Variants in FHL1 observed in about 807,000 individuals in gnomAD.
FHL1 encodes four and a half LIM domains 1.
FHL1 carries 1 observed loss-of-function variant against 20.3 expected under a neutral mutation model. The observed-to-expected ratio is 0.05, with a 90% CI of 0.02 to 0.23. FHL1 has a LOEUF of 0.23. FHL1 is among the 10% of genes least tolerant of loss of function. FHL1 has a pLI of 1.00. For missense variants in FHL1, 177 were observed against 234.0 expected, an observed-to-expected ratio of 0.76 and a Z score of 1.59; for synonymous variants, 82 against 88.9, an observed-to-expected ratio of 0.92 and a Z score of 0.44.
intron 1 of FHL1, among the ~76,000 whole-genome samples, chrX:136,204,511 A>G (rs2073792726): frequency 8.9e-6 from 1 of 112,671 alleles, no homozygotes; most frequent in African/African-American, 3.2e-5. Context: ...CATTATATAA[A>G]GAAACATCCC....
chrX:136,199,576 T>C (rs2300912), intron 1 of FHL1, among the ~76,000 whole-genome samples: 45,452 of 111,301 alleles, frequency 0.41, 6,665 homozygotes, highest in African/African-American at 0.44. Flanking sequence ...TCCTATTCAT[T>C]GGCTAAGGCT....
At chrX:136,207,610 T>C in intron 3 of FHL1, 182 bp from the exon 4 acceptor site, 1 of 490,160 alleles carries the variant, frequency 2.0e-6, no homozygotes, top group Non-Finnish European at 3.5e-6. Flanking sequence ...TCCCCACCCA[T>C]GACAGAAATC....
intron 1 of FHL1, among the ~76,000 whole-genome samples, chrX:136,161,151 T>C: frequency 8.9e-6 from 1 of 111,850 alleles, no homozygotes; most frequent in Non-Finnish European, 1.9e-5. Context: ...TGTGAGTATC[T>C]GGAAGGATTG....
At position 136,210,130 on chromosome X, in the gene FHL1, T is replaced by G; in HGVS notation, c.*105T>G. 1 of 1,059,923 alleles carries G rather than the reference T, an allele frequency of 9.4e-7. No individual in the cohort carries two copies. The allele number at this position is 1,059,923 out of a possible 1,213,427, so 87.3% of individuals were successfully genotyped here. Reference sequence around the variant, plus strand: ...TAGGGGAAGAGTGGTCCTTCCCTTCTTTAAAGTTCTCCTTCCGTCTTTTCT... The same window carrying G: ...TAGGGGAAGAGTGGTCCTTCCCTTCGTTAAAGTTCTCCTTCCGTCTTTTCT... On this transcript the variant is annotated 3_prime_UTR_variant, in exon 6 of 6. Coordinates refer to ENST00000370683, the MANE Select transcript of FHL1 (RefSeq NM_001159699.2).
chrX:136,186,853 C>CAAA (rs1158651934), intron 2 of FHL1, among the ~76,000 whole-genome samples: 7 of 21,582 alleles, frequency 3.2e-4, no homozygotes, highest in East Asian at 1.6e-3. Flanking sequence ...GACTCCATCT[C>CAAA]AAAAAAAAAA....
intron 1 of FHL1, among the ~76,000 whole-genome samples, chrX:136,199,608 C>T (rs2073653808): frequency 8.9e-6 from 1 of 112,326 alleles, no homozygotes; most frequent in Non-Finnish European, 1.9e-5. Context: ...GTTGAATGTT[C>T]TGAGGAAAGC....
At chrX:136,166,462 C>G (rs1476736412), upstream of FHL1, among the ~76,000 whole-genome samples, 1 of 111,658 alleles carries the variant, frequency 9.0e-6, no homozygotes, top group African/African-American at 3.3e-5. Flanking sequence ...GGTCTGGTAA[C>G]TAGAAGACAC....
intron 1 of FHL1, among the ~76,000 whole-genome samples, chrX:136,150,016 C>T (rs756470173): frequency 5.4e-5 from 6 of 111,536 alleles, no homozygotes; most frequent in Non-Finnish European, 1.1e-4. Flanking sequence ...AAATCTTTTA[C>T]AGAGAGAAGC....
intron 1 of FHL1, among the ~76,000 whole-genome samples, chrX:136,152,836 G>A (rs1569528237): frequency 9.1e-6 from 1 of 110,169 alleles, no homozygotes; most frequent in Non-Finnish European, 1.9e-5. Flanking sequence ...GATAAGAATC[G>A]AATTCTACCT....
intron 2 of FHL1, among the ~76,000 whole-genome samples, chrX:136,178,147 CATT>C (rs1011058857): frequency 3.6e-5 from 4 of 111,670 alleles, no homozygotes; most frequent in Non-Finnish European, 7.5e-5. Context: ...TTATCATCAT[CATT>C]ATCATTGTCA....
chrX:136,152,849 A>G (rs1281676131), intron 1 of FHL1, among the ~76,000 whole-genome samples: 2 of 110,835 alleles, frequency 1.8e-5, no homozygotes, highest in Admixed American at 9.6e-5. Context: ...TTCTACCTGG[A>G]ATTTGTTCTA....
chrX:136,209,517 C>CA (rs1323944046), intron 5 of FHL1: 6 of 1,041,417 alleles, frequency 5.8e-6, no homozygotes, highest in Non-Finnish European at 7.9e-6. Context: ...TGACCTAAAT[C>CA]AAAGAAACTG....
intron 2 of FHL1, among the ~76,000 whole-genome samples, chrX:136,178,458 C>T (rs1254010554): frequency 9.0e-6 from 1 of 111,232 alleles, no homozygotes; most frequent in Non-Finnish European, 1.9e-5. Flanking sequence ...AGGCTGGGTG[C>T]AGTGGCTCAC....
intron 2 of FHL1, among the ~76,000 whole-genome samples, chrX:136,171,780 T>A (rs541670309): frequency 1.4e-3 from 155 of 112,625 alleles, no homozygotes; most frequent in Middle Eastern, 4.6e-3. Flanking sequence ...TGACCAAAAC[T>A]TGGTATCCTT....
chrX:136,200,526 G>C (rs2073681536), intron 1 of FHL1, among the ~76,000 whole-genome samples: 1 of 112,167 alleles, frequency 8.9e-6, no homozygotes, highest in South Asian at 3.7e-4. Flanking sequence ...AATTGGATCA[G>C]AAGCCACTTT....
At chrX:136,207,367 GCA>G (rs1008849376) in intron 3 of FHL1, 177 bp downstream of exon 3, 1 of 462,553 alleles carries the variant, frequency 2.2e-6, no homozygotes, top group African/African-American at 2.5e-5. Flanking sequence ...TCGCACACAC[GCA>G]CACACTCGGA....
exon 1 of FHL1, chrX:136,147,546 C>A (rs1190550481): frequency 1.8e-5 from 2 of 110,126 alleles, no homozygotes; most frequent in Non-Finnish European, 3.8e-5. Context: ...CCGCAGCCGC[C>A]GCCGCCACCG....
intron 2 of FHL1, among the ~76,000 whole-genome samples, chrX:136,175,031 A>G (rs2072966208): frequency 8.9e-6 from 1 of 112,431 alleles, no homozygotes; most frequent in African/African-American, 3.2e-5. Context: ...CACACCAGGA[A>G]AAATCTGTGG....
chrX:136,165,103 T>C (rs888394688), upstream of FHL1, among the ~76,000 whole-genome samples: 8 of 112,064 alleles, frequency 7.1e-5, no homozygotes, highest in African/African-American at 2.6e-4. Context: ...CAGATAATAC[T>C]CTGTACTAAA....
Sources: gnomAD v4.1 joint callset for allele counts (sites outside exome capture counted in the v4.1 genomes callset) on GRCh38, gnomAD v4.1.1 for gene constraint, MANE v1.5 for transcripts, NCBI Gene and HGNC (gene_info 2026-07-23, HGNC 2026-07-21) for gene names.